SMG6: variants seen among roughly 807,000 people sequenced by gnomAD.
SMG6 encodes the protein SMG6 nonsense mediated mRNA decay factor.
In SMG6, 66 loss-of-function variants were observed where a neutral mutation model predicts 142.2. The ratio of observed to expected loss-of-function variants is 0.46; its 90% confidence interval spans 0.38 to 0.57. The LOEUF is 0.57. Ranked by LOEUF, SMG6 falls within the 20% of genes least tolerant of loss-of-function variation. SMG6 has a pLI of 0.00. For synonymous variants in SMG6, 779 were observed against 702.4 expected, an observed-to-expected ratio of 1.11 and a Z score of -1.72; for missense variants, 1,793 against 1,832.0, an observed-to-expected ratio of 0.98 and a Z score of 0.39.
intron 13 of SMG6, among the ~76,000 whole-genome samples, chr17:2,103,868 G>A (rs1026785555): frequency 8.5e-5 from 13 of 152,090 alleles, no homozygotes; most frequent in Admixed American, 2.6e-4. Flanking sequence ...GTAAGAAGTC[G>A]TCTCAAGATT....
At chr17:2,234,444 GTATAGACAGGGT>G (rs1353362034) in intron 10 of SMG6, among the ~76,000 whole-genome samples, 8 of 151,490 alleles carry the variant, frequency 5.3e-5, no homozygotes, top group African/African-American at 1.9e-4. Context: ...GGTATTTTTA[GTATAGACAGGGT>G]TTCGCCATGT....
chr17:2,161,356 C>T (rs2071172056), intron 13 of SMG6, among the ~76,000 whole-genome samples: 2 of 151,910 alleles, frequency 1.3e-5, no homozygotes, highest in African/African-American at 4.8e-5. Flanking sequence ...CAGCCTGCCT[C>T]GGCCTCTCAA....
intron 13 of SMG6, among the ~76,000 whole-genome samples, chr17:2,148,083 G>A (rs531465011): frequency 6.6e-6 from 1 of 152,064 alleles, no homozygotes; most frequent in Admixed American, 6.6e-5. Context: ...CCCAGCTACT[G>A]GGGAGGCTGA....
At chr17:2,224,822 C>A (rs2073270756) in intron 10 of SMG6, among the ~76,000 whole-genome samples, 2 of 152,280 alleles carry the variant, frequency 1.3e-5, no homozygotes, top group African/African-American at 4.8e-5. Context: ...CTAGACCAAT[C>A]ACCAAAACTG....
At chr17:2,160,366 G>A (rs554497890) in intron 13 of SMG6, among the ~76,000 whole-genome samples, 1 of 152,104 alleles carries the variant, frequency 6.6e-6, no homozygotes, top group South Asian at 2.1e-4. Context: ...ATTACAGGGT[G>A]CACAACCAAA....
chr17:2,295,518 T>C (rs1435411139), intron 4 of SMG6, among the ~76,000 whole-genome samples: 1 of 152,148 alleles, frequency 6.6e-6, no homozygotes, highest in Admixed American at 6.6e-5. Context: ...GCTTCCAGTT[T>C]CCCCAACTAA....
chr17:2,165,970 G>C (rs1001393326), intron 13 of SMG6, among the ~76,000 whole-genome samples: 1 of 152,288 alleles, frequency 6.6e-6, no homozygotes, highest in East Asian at 1.9e-4. Flanking sequence ...CCAGCACTTA[G>C]GGAGGCCGAG....
intron 13 of SMG6, among the ~76,000 whole-genome samples, chr17:2,165,579 G>T (rs1308964472): frequency 2.0e-5 from 3 of 152,158 alleles, no homozygotes; most frequent in African/African-American, 7.2e-5. Flanking sequence ...TTGTATTTCA[G>T]ATTTTTGGAC....
chr17:2,149,576 C>T (rs113032410), intron 13 of SMG6, among the ~76,000 whole-genome samples: 3 of 152,138 alleles, frequency 2.0e-5, no homozygotes, highest in South Asian at 2.1e-4. Flanking sequence ...AGGGCTGTCC[C>T]GTGACCCCCA....
chr17:2,229,210 A>T (rs182724938), intron 10 of SMG6: 1 of 152,220 alleles, frequency 6.6e-6, no homozygotes, highest in Non-Finnish European at 1.5e-5. Context: ...ATGAACATGA[A>T]CTCCAGACAG....
At chr17:2,238,002 A>C (rs1012963433) in intron 9 of SMG6, among the ~76,000 whole-genome samples, 2 of 152,242 alleles carry the variant, frequency 1.3e-5, no homozygotes, top group African/African-American at 4.8e-5. Flanking sequence ...GAAAAGCCAC[A>C]AGGAAGGTAA....
chr17:2,114,820 T>C (rs2069446882), intron 13 of SMG6, among the ~76,000 whole-genome samples: 1 of 151,146 alleles, frequency 6.6e-6, no homozygotes, highest in Admixed American at 6.6e-5. Context: ...TCCCAGCTAC[T>C]CAGGAGGCTG....
chr17:2,288,657 T>G (rs1402897767), intron 6 of SMG6, among the ~76,000 whole-genome samples: 1 of 147,874 alleles, frequency 6.8e-6, no homozygotes, highest in African/African-American at 2.5e-5. Context: ...TAGGCAGGGC[T>G]GGTGGCTCAC....
chr17:2,260,300 G>A (rs941404886), intron 8 of SMG6, among the ~76,000 whole-genome samples: 2 of 152,200 alleles, frequency 1.3e-5, no homozygotes, highest in African/African-American at 2.4e-5. Flanking sequence ...ATGTCCAGGA[G>A]AAGGCAGGCC....
intron 10 of SMG6, among the ~76,000 whole-genome samples, chr17:2,195,031 G>A (rs1267507277): frequency 6.6e-6 from 1 of 152,182 alleles, no homozygotes; most frequent in East Asian, 1.9e-4. Context: ...ACTTGAGGAA[G>A]ACCTAGCAAG....
At chr17:2,284,498 T>C (rs541280282) in intron 6 of SMG6, among the ~76,000 whole-genome samples, 33 of 152,328 alleles carry the variant, frequency 2.2e-4, no homozygotes, top group African/African-American at 5.3e-4. Flanking sequence ...AAGGAAAACA[T>C]TGAAACAAAG....
At chr17:2,186,256 C>CTAA (rs1567667465) in intron 12 of SMG6, among the ~76,000 whole-genome samples, 90 of 110,942 alleles carry the variant, frequency 8.1e-4, no homozygotes, top group African/African-American at 1.5e-3. Context: ...TACCCTGTTT[C>CTAA]AAAAAAAAAA....
intron 13 of SMG6, among the ~76,000 whole-genome samples, chr17:2,160,922 A>G (rs2071156741): frequency 1.3e-5 from 2 of 151,978 alleles, no homozygotes; most frequent in African/African-American, 4.8e-5. Context: ...AAGAAAACTA[A>G]AAAGGGTGAG....
intron 13 of SMG6, 35 bp downstream of exon 13, chr17:2,172,623 G>A (rs773621862): frequency 6.2e-7 from 1 of 1,604,306 alleles, no homozygotes; most frequent in Non-Finnish European, 8.5e-7. Flanking sequence ...TAAGAGGAGG[G>A]GCGAATGGGG....
Sources: gnomAD v4.1 joint callset for allele counts (sites outside exome capture counted in the v4.1 genomes callset) on GRCh38, gnomAD v4.1.1 for gene constraint, MANE v1.5 for transcripts, NCBI Gene and HGNC (gene_info 2026-07-23, HGNC 2026-07-21) for gene names.